Variants in SMCO1 observed in about 807,000 individuals in gnomAD.
The protein encoded by SMCO1 is single-pass membrane protein with coiled-coil domains 1.
In SMCO1, 9 loss-of-function variants were observed where a neutral mutation model predicts 7.5. The observed-to-expected ratio is 1.20, with a 90% CI of 0.72 to 2.09. The LOEUF (loss-of-function observed/expected upper bound fraction) is 2.09, where lower values mean the gene tolerates loss of function less well. SMCO1 is among the 30% of genes most tolerant of loss of function. The pLI, the probability that SMCO1 is intolerant of heterozygous loss-of-function variation, is 0.00. For missense variants in SMCO1, 219 were observed against 253.1 expected (o/e 0.87, Z 0.91); for synonymous variants, 90 against 93.8 (o/e 0.96, Z 0.23).
chr3:196,512,034 T>C (rs112531411), intron 1 of SMCO1, among the ~76,000 whole-genome samples: 1,635 of 102,888 alleles, frequency 0.016, 135 homozygotes, highest in African/African-American at 0.068. Context: ...TGAGGGAAAC[T>C]TGCCTGGGCT....
chr3:196,515,983 GATAGGATATATATATAT>G (rs1434512997), upstream of SMCO1, among the ~76,000 whole-genome samples: 1,072 of 81,856 alleles, frequency 0.013, 24 homozygotes, highest in Non-Finnish European at 0.019. Flanking sequence ...CGGGCAAGAG[GATAGGATATATATATAT>G]ATATATATAT....
At position 196,512,511 on chromosome 3, in the gene SMCO1, T is replaced by C. The variant is rs980750799; in HGVS notation, c.50+2649A>G. ...AGCTTTAAACCTGTATTTCCTTTCT[T>C]TTTTTTTTTTTTTTTTTTTGAGATG... On this transcript the variant is annotated intron_variant, in intron 1 of 2. Coordinates refer to ENST00000397537, the MANE Select transcript of SMCO1 (RefSeq NM_001077657.3). Among the ~76,000 whole-genome samples the C allele has an allele frequency of 3.5e-4, 42 of 120,844 alleles. No individual in the cohort carries two copies. The East Asian group carries it at 6.8e-3, about 20-fold the overall frequency. 79.3% of individuals were successfully genotyped at this position (120,844 alleles called of 152,430 possible). A position where few individuals can be genotyped will look rare whatever the true frequency, so the allele number is the denominator to read the frequency against.
chr3:196,508,179 A>G lies in SMCO1; in HGVS notation c.353T>C (p.Val118Ala), dbSNP rs764120946. ...VLRRKVKNKR[V>A]RVVWESILEE... ...CAGTATGGACTCCCATACAACTCTA[A>G]CGCGCTTGTTCTTAACTTTTCTTCT... Residue 118 changes from valine (V) to alanine (A), a missense_variant, in exon 3 of 3, where the codon GTT becomes GCT. Physicochemically the swap from Val to Ala is moderately conservative, Grantham distance 64. Coordinates refer to ENST00000397537, the MANE Select transcript of SMCO1 (RefSeq NM_001077657.3). The G allele has an allele frequency of 9.3e-6, 15 of 1,613,914 alleles. No homozygotes were observed. Among genetic ancestry groups the G allele is most frequent in the Non-Finnish European group, 1.3e-5 (15 of 1,180,024 alleles).
At chr3:196,516,311 G>A (rs983313943), upstream of SMCO1, among the ~76,000 whole-genome samples, 1 of 151,680 alleles carries the variant, frequency 6.6e-6, no homozygotes, top group Non-Finnish European at 1.5e-5. Flanking sequence ...TTGGGTCCTT[G>A]GGGAGATATT....
At chr3:196,520,299 G>T (rs555111122), upstream of SMCO1, among the ~76,000 whole-genome samples, 136 of 152,158 alleles carry the variant, frequency 8.9e-4, no homozygotes, top group Non-Finnish European at 1.4e-3. Flanking sequence ...AGACAACCCA[G>T]ATCTTTACAA....
intron 2 of SMCO1, among the ~76,000 whole-genome samples, chr3:196,509,244 T>C (rs1733148708): frequency 6.7e-6 from 1 of 149,646 alleles, no homozygotes; most frequent in African/African-American, 2.5e-5. Context: ...TTTTGTATTT[T>C]TAGTAGAGGC....
upstream of SMCO1, chr3:196,515,426 G>A: frequency 1.8e-6 from 1 of 549,564 alleles, no homozygotes; most frequent in East Asian, 3.1e-5. Context: ...CGTGGACACA[G>A]GTGTCCTGGA....
chr3:196,509,427 G>T, intron 2 of SMCO1, 93 bp downstream of exon 2: 1 of 1,080,088 alleles, frequency 9.3e-7, no homozygotes, highest in Non-Finnish European at 1.3e-6. Flanking sequence ...ACAATCCATT[G>T]TGGGAAACAT....
intron 1 of SMCO1, among the ~76,000 whole-genome samples, chr3:196,514,553 G>A (rs549802642): frequency 7.9e-5 from 12 of 152,278 alleles, no homozygotes; most frequent in African/African-American, 2.6e-4. Flanking sequence ...AATTGTAAAT[G>A]TTTTTCAAAC....
chr3:196,520,297 C>A (rs1461960855), upstream of SMCO1, among the ~76,000 whole-genome samples: 1 of 152,162 alleles, frequency 6.6e-6, no homozygotes, highest in Non-Finnish European at 1.5e-5. Flanking sequence ...TGAGACAACC[C>A]AGATCTTTAC....
intron 1 of SMCO1, among the ~76,000 whole-genome samples, chr3:196,513,990 A>C (rs1733318705): frequency 6.6e-6 from 1 of 152,062 alleles, no homozygotes; most frequent in Non-Finnish European, 1.5e-5. Flanking sequence ...TCTCTAACCC[A>C]TTCCTGCCTC....
At chr3:196,510,872 A>G (rs1276617996) in intron 1 of SMCO1, among the ~76,000 whole-genome samples, 1 of 150,184 alleles carries the variant, frequency 6.7e-6, no homozygotes, top group Non-Finnish European at 1.5e-5. Context: ...CACAGTAATA[A>G]AAGTTTCCCT....
upstream of SMCO1, among the ~76,000 whole-genome samples, chr3:196,515,988 GAT>G (rs200613159): frequency 0.073 from 1,731 of 23,682 alleles, 21 homozygotes; most frequent in Admixed American, 0.1. Flanking sequence ...AAGAGGATAG[GAT>G]ATATATATAT....
At chr3:196,511,922 C>T (rs1424860130) in intron 1 of SMCO1, among the ~76,000 whole-genome samples, 1 of 135,010 alleles carries the variant, frequency 7.4e-6, no homozygotes, top group Non-Finnish European at 1.5e-5. Flanking sequence ...ATGAGGGAAA[C>T]CTGCCTGGGC....
Position 196,507,745 on chromosome 3 carries a change from C to A in SMCO1, c.*142G>T, listed in dbSNP as rs994144708. The A allele has an allele frequency of 8.2e-6, 5 of 608,408 alleles. No homozygotes were observed. Among genetic ancestry groups the A allele is most frequent in the Non-Finnish European group, 1.2e-5 (4 of 344,026 alleles). The allele number at this position is 608,408 out of a possible 1,614,324, so 37.7% of individuals were successfully genotyped here. A position where few individuals can be genotyped will look rare whatever the true frequency, so the allele number is the denominator to read the frequency against. Reference sequence around the variant, plus strand: ...TTTTATATGGCTGCAAAGAAAGTATCTATTGTATCAATTTGTCATAATTTA... The same window carrying A: ...TTTTATATGGCTGCAAAGAAAGTATATATTGTATCAATTTGTCATAATTTA... On this transcript the variant is annotated 3_prime_UTR_variant, in exon 3 of 3. Transcript: ENST00000397537.
Position 196,508,051 on chromosome 3 carries a change from A to G in SMCO1, c.481T>C (p.Tyr161His). ...EHYTAKVRQM[Y>H]IRDVTFLITN... ...ATTAGGAACGTGACATCCCTGATGT[A>G]CATCTGCCTCACTTTAGCAGTATAG... Residue 161 changes from tyrosine to histidine, a missense_variant, in exon 3 of 3, where the codon TAC becomes CAC. By Grantham distance (83) the Tyr-to-His change is moderately conservative. Coordinates refer to ENST00000397537, the MANE Select transcript of SMCO1 (RefSeq NM_001077657.3). 6.2e-7 allele frequency: 1 copy of G among 1,614,220 alleles called. No homozygotes were observed. The highest frequency in any genetic ancestry group is 8.5e-7 in the Non-Finnish European group (1 of 1,180,030).
intron 2 of SMCO1, among the ~76,000 whole-genome samples, chr3:196,509,306 C>T (rs1261705066): frequency 4.6e-5 from 7 of 150,966 alleles, no homozygotes; most frequent in Non-Finnish European, 1.0e-4. Flanking sequence ...CCTCGTGATC[C>T]GCCCGCCTCG....
chr3:196,508,851 G>A (rs1480624097), intron 2 of SMCO1, among the ~76,000 whole-genome samples: 29 of 146,604 alleles, frequency 2.0e-4, no homozygotes, highest in Non-Finnish European at 2.4e-4. Flanking sequence ...GCAGGAGAAT[G>A]GCGTGAACCC....
the SMCO1 span, among the ~76,000 whole-genome samples, chr3:196,520,352 C>A: frequency 6.6e-6 from 1 of 152,148 alleles, no homozygotes; most frequent in Non-Finnish European, 1.5e-5. Flanking sequence ...CCATGGCAGG[C>A]AAGCCCATAG....
Sources: gnomAD v4.1 joint callset for allele counts (sites outside exome capture counted in the v4.1 genomes callset) on GRCh38, gnomAD v4.1.1 for gene constraint, MANE v1.5 for transcripts, NCBI Gene and HGNC (gene_info 2026-07-23, HGNC 2026-07-21) for gene names.